The following SEC23IP variants were observed in gnomAD, a reference collection of about 807,000 sequenced individuals.
The protein encoded by SEC23IP is SEC23 interacting protein.
SEC23IP carries 70 observed loss-of-function variants against 113.4 expected under a neutral mutation model. The ratio of observed to expected loss-of-function variants is 0.62; its 90% CI spans 0.51 to 0.75. The LOEUF (loss-of-function observed/expected upper bound fraction) is 0.75. SEC23IP is among the 30% of genes least tolerant of loss of function. SEC23IP has a pLI of 0.00. For missense variants in SEC23IP, 1,160 were observed against 1,204.9 expected, an observed-to-expected ratio of 0.96 and a Z score of 0.55; for synonymous variants, 398 against 421.0, an observed-to-expected ratio of 0.95 and a Z score of 0.67.
At position 119,920,944 on chromosome 10, in the gene SEC23IP, A is replaced by G; in HGVS notation, c.2081A>G (p.Lys694Arg). Residue 694 changes from lysine (K) to arginine (R), a missense_variant, in exon 12 of 19, where the codon AAG becomes AGG. Coordinates refer to ENST00000369075, the MANE Select transcript of SEC23IP (RefSeq NM_007190.4). ...ATGGGGATACCCCTTGGACCCAGAA[A>G]GAAGATAGCTAACTTTGTAGAACAT... ...KEMGIPLGPR[K>R]KIANFVEHKA... 6.2e-7 allele frequency: 1 copy of G among 1,613,928 alleles called. No homozygotes were observed. Among genetic ancestry groups the G allele is most frequent in the Non-Finnish European group, 8.5e-7 (1 of 1,179,840 alleles).
chr10:119,898,181 C>T, intron 1 of SEC23IP: 1 of 500,594 alleles, frequency 2.0e-6, no homozygotes, highest in East Asian at 4.2e-5. Flanking sequence ...TTGTCTCTGG[C>T]AGGTGGGCTT....
At position 119,943,974 on chromosome 10, in the gene SEC23IP, C is replaced by T. The variant is rs537644627; in HGVS notation, c.*3409C>T. 1.3e-5 allele frequency: 2 copies of T among 152,316 alleles called. No individual in the cohort carries two copies. The highest frequency in any genetic ancestry group is 1.9e-4 in the East Asian group (1 of 5,186). 9.4% of individuals were successfully genotyped at this position (152,316 alleles called of 1,614,324 possible). On this transcript the variant is annotated 3_prime_UTR_variant, in exon 19 of 19. Coordinates refer to ENST00000369075, the MANE Select transcript of SEC23IP (RefSeq NM_007190.4). ...AAAGAGTGGTTTTTAAAAGACCTTA[C>T]TATGGAATTTTCACAAATACTCAAA...
Position 119,930,359 on chromosome 10 carries a change from A to G in SEC23IP, c.2500A>G (p.Met834Val), listed in dbSNP as rs779200717. The G allele has an allele frequency of 9.9e-6, 16 of 1,609,440 alleles. No individual in the cohort carries two copies. Among genetic ancestry groups the G allele is most frequent in the South Asian group, 9.9e-5 (9 of 90,810 alleles). Reference protein sequence around the residue: ...LDPVAYRLEPMIVPDLDLKAV... With the variant: ...LDPVAYRLEPVIVPDLDLKAV... ...TCCAGTGGCATATAGATTAGAACCTATGATTGTTCCAGATTTGGACCTAAA... is the reference window on the plus strand; with the variant it reads ...TCCAGTGGCATATAGATTAGAACCTGTGATTGTTCCAGATTTGGACCTAAA... Residue 834 changes from methionine (M) to valine (V), a missense_variant, in exon 15 of 19, where the codon ATG (methionine) becomes GTG (valine). Transcript: ENST00000369075.
intron 7 of SEC23IP, among the ~76,000 whole-genome samples, chr10:119,915,427 G>C (rs1855018250): frequency 6.6e-6 from 1 of 152,144 alleles, no homozygotes; most frequent in African/African-American, 2.4e-5. Context: ...ATCACAGTCA[G>C]TAGGGCCTGG....
intron 12 of SEC23IP, among the ~76,000 whole-genome samples, chr10:119,922,682 A>G (rs1855287450): frequency 1.3e-5 from 2 of 152,198 alleles, no homozygotes; most frequent in African/African-American, 2.4e-5. Flanking sequence ...AGCAACTCAA[A>G]AGACATTTTA....
chr10:119,925,934 G>A, intron 12 of SEC23IP, 102 bp from the exon 13 acceptor site: 4 of 906,654 alleles, frequency 4.4e-6, no homozygotes, highest in Non-Finnish European at 6.6e-6. Flanking sequence ...TTCCTAAGAA[G>A]TAGCTAATCA....
At chr10:119,931,743 G>A (rs1461581391) in intron 15 of SEC23IP, among the ~76,000 whole-genome samples, 1 of 151,754 alleles carries the variant, frequency 6.6e-6, no homozygotes, top group Non-Finnish European at 1.5e-5. Context: ...TAGTAGAGAC[G>A]GGGTTTCACC....
intron 18 of SEC23IP, among the ~76,000 whole-genome samples, chr10:119,939,824 A>C (rs1470833869): frequency 6.6e-6 from 1 of 151,890 alleles, no homozygotes; most frequent in Non-Finnish European, 1.5e-5. Flanking sequence ...GCATCTCGAG[A>C]GGCTGGGACC....
At chr10:119,903,095 G>A (rs1448110486) in intron 3 of SEC23IP, 86 bp downstream of exon 3, 5 of 1,115,352 alleles carry the variant, frequency 4.5e-6, no homozygotes, top group East Asian at 5.1e-5. Context: ...TTCTGTGAAT[G>A]TCAAATACCT....
intron 4 of SEC23IP, among the ~76,000 whole-genome samples, chr10:119,907,476 A>T (rs1854713335): frequency 1.3e-5 from 2 of 152,212 alleles, no homozygotes; most frequent in African/African-American, 4.8e-5. Flanking sequence ...AATGAACAAA[A>T]AAAAGGACTT....
intron 14 of SEC23IP, among the ~76,000 whole-genome samples, 198 bp downstream of exon 14, chr10:119,929,960 T>G (rs530615800): frequency 1.3e-5 from 2 of 152,318 alleles, no homozygotes; most frequent in East Asian, 1.9e-4. Flanking sequence ...TTTACTTTCT[T>G]TTTTGAAGAA....
Position 119,918,025 on chromosome 10 carries a change from T to C in SEC23IP, c.1734T>C (p.Ser578=), listed in dbSNP as rs1855110213. The C allele has an allele frequency of 6.2e-7, 1 of 1,613,262 alleles. No homozygotes were observed. The highest frequency in any genetic ancestry group is 1.3e-5 in the African/African-American group (1 of 74,930). The change falls in exon 9 of 19, where the codon TCT becomes TCC. Residue 578 remains serine, a synonymous_variant. Coordinates refer to ENST00000369075, the MANE Select transcript of SEC23IP (RefSeq NM_007190.4). ...ACCCAGACTTCAAAGGAGGTGTCTC[T>C]GTTGCTGGTCACAGTTTAGGTAAAA... is the stretch of plus-strand genomic sequence containing the variant. The part of the protein sequence containing the change: ...SRNPDFKGGV[S]VAGHSLGSLI...
intron 18 of SEC23IP, among the ~76,000 whole-genome samples, chr10:119,937,802 G>A (rs1252820771): frequency 6.6e-6 from 1 of 151,952 alleles, no homozygotes; most frequent in African/African-American, 2.4e-5. Context: ...TTCTGTCTGT[G>A]CCATATATTG....
intron 2 of SEC23IP, among the ~76,000 whole-genome samples, chr10:119,901,583 C>T (rs1011708191): frequency 9.2e-5 from 14 of 152,072 alleles, no homozygotes; most frequent in African/African-American, 1.7e-4. Flanking sequence ...GTATACAATT[C>T]GATTTATTTA....
chr10:119,906,294 A>G (rs1212000286), intron 4 of SEC23IP, among the ~76,000 whole-genome samples: 6 of 151,804 alleles, frequency 4.0e-5, no homozygotes, highest in African/African-American at 1.4e-4. Context: ...AAAAAAAAAA[A>G]AAAAAAAGAA....
intron 18 of SEC23IP, among the ~76,000 whole-genome samples, chr10:119,938,603 A>G (rs116505980): frequency 0.014 from 2,067 of 152,310 alleles, 48 homozygotes; most frequent in African/African-American, 0.047. Flanking sequence ...TTTTTACATA[A>G]TATCTGGCAG....
At chr10:119,902,340 C>T (rs1349898303) in intron 2 of SEC23IP, among the ~76,000 whole-genome samples, 1 of 152,120 alleles carries the variant, frequency 6.6e-6, no homozygotes, top group Non-Finnish European at 1.5e-5. Flanking sequence ...AGAGCAAACT[C>T]CGCCTCACAC....
rs770152698 is a variant in SEC23IP at position 119,919,541 on chromosome 10, G to A, written c.1970G>A (p.Ser657Asn). 6.2e-7 allele frequency: 1 copy of A among 1,613,810 alleles called. No individual in the cohort carries two copies. The highest frequency in any genetic ancestry group is 1.7e-5 in the Admixed American group (1 of 60,010). The change falls in exon 11 of 19, where the codon AGC becomes AAC. Residue 657 changes from serine (S) to asparagine (N), a missense_variant. Transcript: ENST00000369075. The stretch of plus-strand genomic sequence containing the variant: ...TTGCAAGAAACTCTGGAAGCACTTA[G>A]CCTCTCTGAATATTTTAGCACTTTT... ...LTLQETLEAL[S>N]LSEYFSTFEK...
chr10:119,930,616 T>C (rs577587190), intron 15 of SEC23IP, among the ~76,000 whole-genome samples, 185 bp downstream of exon 15: 2 of 152,356 alleles, frequency 1.3e-5, no homozygotes, highest in Admixed American at 6.5e-5. Flanking sequence ...TATTTCTCTT[T>C]GATGGCATTC....
Sources: gnomAD v4.1 joint callset for allele counts (sites outside exome capture counted in the v4.1 genomes callset) on GRCh38, gnomAD v4.1.1 for gene constraint, MANE v1.5 for transcripts, NCBI Gene and HGNC (gene_info 2026-07-23, HGNC 2026-07-21) for gene names.